Variants in LRRC4C observed in about 807,000 individuals in gnomAD.
LRRC4C encodes leucine-rich repeat-containing protein 4C.
Under a neutral mutation model 33.6 loss-of-function variants are expected in LRRC4C, and 5 were observed. The ratio of observed to expected loss-of-function variants is 0.15; its 90% confidence interval spans 0.08 to 0.31. The LOEUF (loss-of-function observed/expected upper bound fraction) is 0.31, where lower values mean the gene tolerates loss of function less well. Among genes scored for constraint, LRRC4C ranks in the 10% least tolerant of loss-of-function variants. The pLI, the probability that LRRC4C is intolerant of heterozygous loss-of-function variation, is 1.00. For missense variants in LRRC4C, 560 were observed against 796.7 expected (o/e 0.70, Z 3.58); for synonymous variants, 329 against 302.0 (o/e 1.09, Z -0.93).
At chr11:40,413,854 G>C (rs546655926) in intron 3 of LRRC4C, among the ~76,000 whole-genome samples, 1 of 151,956 alleles carries the variant, frequency 6.6e-6, no homozygotes, top group Admixed American at 6.6e-5. Context: ...CCAAAACTAC[G>C]TTTGAATCAA....
At chr11:41,353,298 A>G (rs1471281536) in intron 1 of LRRC4C, among the ~76,000 whole-genome samples, 1 of 152,122 alleles carries the variant, frequency 6.6e-6, no homozygotes, top group Admixed American at 6.5e-5. Flanking sequence ...GGAAACATAC[A>G]AACTCCCAAA....
chr11:41,360,137 C>A (rs973960624), intron 1 of LRRC4C, among the ~76,000 whole-genome samples: 1 of 152,092 alleles, frequency 6.6e-6, no homozygotes, highest in Admixed American at 6.6e-5. Flanking sequence ...GAGCGGAGAT[C>A]GCGCCACTGC....
intron 2 of LRRC4C, among the ~76,000 whole-genome samples, chr11:40,779,375 G>A (rs1950131639): frequency 6.6e-6 from 1 of 151,958 alleles, no homozygotes; most frequent in African/African-American, 2.4e-5. Context: ...CTTGGCATGG[G>A]GAGTTTTATA....
chr11:40,635,992 A>C (rs2136055406), intron 3 of LRRC4C, among the ~76,000 whole-genome samples: 1 of 152,238 alleles, frequency 6.6e-6, no homozygotes. Context: ...TTCAAGAAGA[A>C]GGAACAACAT....
intron 1 of LRRC4C, among the ~76,000 whole-genome samples, chr11:41,041,075 A>G (rs1394746383): frequency 6.6e-6 from 1 of 152,192 alleles, no homozygotes; most frequent in African/African-American, 2.4e-5. Context: ...GCAAAAGGAT[A>G]ATTTTAACTA....
At chr11:40,745,620 T>C (rs1452023347) in intron 2 of LRRC4C, among the ~76,000 whole-genome samples, 1 of 152,214 alleles carries the variant, frequency 6.6e-6, no homozygotes, top group Non-Finnish European at 1.5e-5. Flanking sequence ...TATTTCTGAA[T>C]ATATTTTTTG....
chr11:40,288,368 C>T (rs905818629), intron 4 of LRRC4C, among the ~76,000 whole-genome samples: 1 of 152,154 alleles, frequency 6.6e-6, no homozygotes, highest in South Asian at 2.1e-4. Flanking sequence ...AATATTCACA[C>T]AGATTTCAAA....
At chr11:41,213,311 ATTTAT>A (rs1946900795) in intron 1 of LRRC4C, among the ~76,000 whole-genome samples, 1 of 152,174 alleles carries the variant, frequency 6.6e-6, no homozygotes, top group South Asian at 2.1e-4. Context: ...CTATGATCAT[ATTTAT>A]TTTGTGTAAA....
At chr11:40,882,358 A>G (rs1955224649) in intron 2 of LRRC4C, among the ~76,000 whole-genome samples, 1 of 152,146 alleles carries the variant, frequency 6.6e-6, no homozygotes, top group Non-Finnish European at 1.5e-5. Flanking sequence ...CATTATGCCA[A>G]GTTGACAAGT....
chr11:40,617,529 A>G (rs566674709), intron 3 of LRRC4C, among the ~76,000 whole-genome samples: 13 of 151,684 alleles, frequency 8.6e-5, no homozygotes, highest in Non-Finnish European at 1.5e-4. Flanking sequence ...TTCAAATTGC[A>G]ATTCTTATAA....
At chr11:41,098,783 G>A (rs1038473162) in intron 1 of LRRC4C, among the ~76,000 whole-genome samples, 1 of 151,844 alleles carries the variant, frequency 6.6e-6, no homozygotes, top group African/African-American at 2.4e-5. Context: ...AAAAGAACTA[G>A]AAAAGCAAGA....
At chr11:40,971,586 A>G (rs1370621935) in intron 1 of LRRC4C, among the ~76,000 whole-genome samples, 3 of 152,156 alleles carry the variant, frequency 2.0e-5, no homozygotes, top group Admixed American at 6.5e-5. Context: ...GATGGAAAAT[A>G]TGGGTTTGGA....
At chr11:40,798,321 T>C (rs1950911980) in intron 2 of LRRC4C, among the ~76,000 whole-genome samples, 1 of 152,176 alleles carries the variant, frequency 6.6e-6, no homozygotes, top group Admixed American at 6.5e-5. Flanking sequence ...CATCCAGCTG[T>C]CACTCTGAAA....
At chr11:41,377,786 TACA>T (rs1952992965) in intron 1 of LRRC4C, among the ~76,000 whole-genome samples, 1 of 152,150 alleles carries the variant, frequency 6.6e-6, no homozygotes, top group East Asian at 1.9e-4. Flanking sequence ...AAACAACTAT[TACA>T]GTCAAGGACA....
chr11:40,561,704 G>T (rs1175082501), intron 3 of LRRC4C, among the ~76,000 whole-genome samples: 2 of 152,072 alleles, frequency 1.3e-5, no homozygotes, highest in African/African-American at 4.8e-5. Flanking sequence ...GAGCCACCGC[G>T]CCCGGCCCGT....
chr11:40,900,197 G>A (rs1956144800), intron 2 of LRRC4C, among the ~76,000 whole-genome samples: 1 of 151,976 alleles, frequency 6.6e-6, no homozygotes, highest in African/African-American at 2.4e-5. Context: ...AAATTATAAT[G>A]TATTTTCCAT....
At chr11:40,274,245 C>T (rs1160818114) in intron 4 of LRRC4C, among the ~76,000 whole-genome samples, 2 of 151,940 alleles carry the variant, frequency 1.3e-5, no homozygotes, top group South Asian at 2.1e-4. Context: ...AAGGAGATTC[C>T]GGAGGGGAGG....
At chr11:40,965,869 T>C (rs1025255419) in intron 1 of LRRC4C, among the ~76,000 whole-genome samples, 13 of 152,124 alleles carry the variant, frequency 8.5e-5, no homozygotes, top group African/African-American at 2.9e-4. Context: ...TTTGGTTCCA[T>C]ATGAATTTTA....
intron 5 of LRRC4C, among the ~76,000 whole-genome samples, chr11:40,183,155 A>G (rs1861144079): frequency 6.6e-6 from 1 of 152,242 alleles, no homozygotes; most frequent in Admixed American, 6.5e-5. Context: ...GGAAAATGTA[A>G]GAATGCACAT....
Sources: allele counts gnomAD v4.1 joint callset (sites outside exome capture counted in the v4.1 genomes callset), GRCh38; gene constraint gnomAD v4.1.1; transcripts MANE v1.5; gene names NCBI Gene and HGNC (gene_info 2026-07-23, HGNC 2026-07-21).